The following CENPP variants were observed in gnomAD, a reference collection of about 807,000 sequenced individuals.
The protein encoded by CENPP is centromere protein P.
A neutral mutation model predicts 35.6 loss-of-function variants in CENPP; 24 were observed. The observed-to-expected ratio is 0.67, with a 90% CI of 0.49 to 0.95. CENPP has a LOEUF of 0.95. CENPP is among the 40% of genes least tolerant of loss of function. The pLI, the probability that CENPP is intolerant of heterozygous loss-of-function variation, is 0.00. For missense variants in CENPP, 332 were observed against 345.3 expected, an observed-to-expected ratio of 0.96 and a Z score of 0.31; for synonymous variants, 120 against 125.5, an observed-to-expected ratio of 0.96 and a Z score of 0.29.
At chr9:92,515,658 G>A (rs148163749) in intron 5 of CENPP, among the ~76,000 whole-genome samples, 1 of 152,270 alleles carries the variant, frequency 6.6e-6, no homozygotes, top group African/African-American at 2.4e-5. Context: ...AGTGAAACAG[G>A]TGTATATTTT....
chr9:92,397,116 G>A (rs2130915256), intron 5 of CENPP, among the ~76,000 whole-genome samples: 1 of 152,074 alleles, frequency 6.6e-6, no homozygotes, highest in Middle Eastern at 3.4e-3. Context: ...GGTCAAGACT[G>A]CAGTGAGCCA....
rs1317267210 is a variant in CENPP, at chr9:92,410,996, A to G, written c.564+31137A>G. Among the ~76,000 whole-genome samples the G allele has an allele frequency of 1.3e-5, 2 of 151,812 alleles. 1 individual carries two copies. Among genetic ancestry groups the G allele is most frequent in the Non-Finnish European group, 2.9e-5 (2 of 67,956 alleles). On this transcript the variant is annotated intron_variant, in intron 5 of 7. Transcript: ENST00000375587. ...AGATTCCTTTTTTTTTCCTTTTGAG[A>G]CAGAGTCTCGCTCTGTCTCCCAGGC...
intron 5 of CENPP, among the ~76,000 whole-genome samples, chr9:92,486,509 C>G (rs1019839124): frequency 6.6e-6 from 1 of 152,078 alleles, no homozygotes; most frequent in African/African-American, 2.4e-5. Flanking sequence ...AAAAACTGAC[C>G]CTGATGTCCT....
At chr9:92,400,410 A>T (rs547936421) in intron 5 of CENPP, among the ~76,000 whole-genome samples, 12 of 152,136 alleles carry the variant, frequency 7.9e-5, no homozygotes, top group Non-Finnish European at 1.5e-4. Flanking sequence ...CAGCCTCCCA[A>T]AGTACTGGGA....
chr9:92,618,610 T>C lies in CENPP; in HGVS notation c.*5461T>C, dbSNP rs976594901. 1 of 455,978 alleles carries C rather than the reference T, an allele frequency of 2.2e-6. No homozygotes were observed. The highest frequency in any genetic ancestry group is 4.4e-6 in the Non-Finnish European group (1 of 226,334). 28.2% of individuals were successfully genotyped at this position (455,978 alleles called of 1,614,324 possible). ...CTTAATCCAGTTAAGGAATTCCTCA[T>C]AACTTAGCCCTGTAGGTATTTCCTT... On this transcript the variant is annotated 3_prime_UTR_variant, in exon 8 of 8. Coordinates refer to ENST00000375587, the MANE Select transcript of CENPP (RefSeq NM_001012267.3).
chr9:92,541,450 C>T (rs969157293), intron 5 of CENPP, among the ~76,000 whole-genome samples: 4 of 146,272 alleles, frequency 2.7e-5, no homozygotes, highest in African/African-American at 1.0e-4. Context: ...CACCCCCACC[C>T]TCCTGGTTCA....
intron 5 of CENPP, among the ~76,000 whole-genome samples, chr9:92,473,799 A>G (rs1845612103): frequency 6.6e-6 from 1 of 152,242 alleles, no homozygotes; most frequent in Non-Finnish European, 1.5e-5. Flanking sequence ...TCTCTAGAGT[A>G]GATTATTGTA....
intron 5 of CENPP, among the ~76,000 whole-genome samples, chr9:92,421,604 A>G (rs1457850315): frequency 1.3e-5 from 2 of 152,226 alleles, no homozygotes; most frequent in Non-Finnish European, 2.9e-5. Context: ...CTACTACTTT[A>G]CTGTATGTAA....
At chr9:92,438,920 C>T (rs559760991) in intron 5 of CENPP, among the ~76,000 whole-genome samples, 1 of 152,218 alleles carries the variant, frequency 6.6e-6, no homozygotes, top group Non-Finnish European at 1.5e-5. Flanking sequence ...TACTGCACTC[C>T]AGCCTGTGTG....
At chr9:92,333,518 GA>G (rs1215458908) in intron 2 of CENPP, among the ~76,000 whole-genome samples, 9 of 152,312 alleles carry the variant, frequency 5.9e-5, no homozygotes, top group Admixed American at 2.0e-4. Flanking sequence ...CACAAGAGTT[GA>G]AATGCTTTTT....
chr9:92,402,910 A>G (rs967900448), intron 5 of CENPP, among the ~76,000 whole-genome samples: 3 of 152,204 alleles, frequency 2.0e-5, no homozygotes, highest in African/African-American at 7.2e-5. Flanking sequence ...AGGCAACACA[A>G]CATTGCAAGT....
chr9:92,464,233 G>A (rs1027442465), intron 5 of CENPP, among the ~76,000 whole-genome samples: 1 of 152,212 alleles, frequency 6.6e-6, no homozygotes, highest in African/African-American at 2.4e-5. Context: ...AGGGAGCTTG[G>A]AAGTAATGGG....
intron 5 of CENPP, among the ~76,000 whole-genome samples, chr9:92,591,354 A>C (rs904805700): frequency 5.9e-5 from 9 of 151,872 alleles, no homozygotes; most frequent in Non-Finnish European, 1.2e-4. Flanking sequence ...GGGAGGCGGA[A>C]CTTGCAGTGA....
intron 5 of CENPP, among the ~76,000 whole-genome samples, chr9:92,533,303 CAAAAAA>C (rs1174584000): frequency 1.0e-3 from 31 of 29,866 alleles, no homozygotes; most frequent in African/African-American, 3.4e-3. Context: ...CGGTCTCAAA[CAAAAAA>C]AAAAAAAAAA....
intron 4 of CENPP, among the ~76,000 whole-genome samples, chr9:92,346,678 A>G (rs1038999087): frequency 2.0e-5 from 3 of 152,216 alleles, no homozygotes; most frequent in Non-Finnish European, 2.9e-5. Flanking sequence ...AAGGGGTGCA[A>G]TCATTGATAC....
intron 5 of CENPP, chr9:92,389,655 T>C (rs913193279): frequency 2.3e-6 from 1 of 439,616 alleles, no homozygotes; most frequent in Admixed American, 4.0e-5. Context: ...ATAAAGGTTA[T>C]GTATTTTAAC....
intron 5 of CENPP, among the ~76,000 whole-genome samples, chr9:92,524,035 C>A (rs1192390029): frequency 6.6e-6 from 1 of 152,146 alleles, no homozygotes; most frequent in African/African-American, 2.4e-5. Context: ...CAGACATGGC[C>A]CCCTCTCTGG....
At chr9:92,554,195 T>C (rs1219666156) in intron 5 of CENPP, among the ~76,000 whole-genome samples, 2 of 152,090 alleles carry the variant, frequency 1.3e-5, no homozygotes. Context: ...ATTCTTTTTT[T>C]TTTTTGAGAC....
At chr9:92,612,665 A>G (rs1851297578) in intron 7 of CENPP, 51 bp downstream of exon 7, 3 of 1,338,990 alleles carry the variant, frequency 2.2e-6, no homozygotes, top group Non-Finnish European at 3.2e-6. Flanking sequence ...ATGCCCAGCA[A>G]AGCCGCCTGC....
Sources: gnomAD v4.1 joint callset for allele counts (sites outside exome capture counted in the v4.1 genomes callset) on GRCh38, gnomAD v4.1.1 for gene constraint, MANE v1.5 for transcripts, NCBI Gene and HGNC (gene_info 2026-07-23, HGNC 2026-07-21) for gene names.